Variants in VPS13C observed in about 807,000 individuals in gnomAD.
VPS13C encodes the protein vacuolar protein sorting 13 homolog C.
In VPS13C, 358 loss-of-function variants were observed where a neutral mutation model predicts 456.8. The observed-to-expected ratio is 0.78, with a 90% CI of 0.72 to 0.86. The LOEUF is 0.86. VPS13C is among the 40% of genes least tolerant of loss of function. The pLI, the probability that VPS13C is intolerant of heterozygous loss-of-function variation, is 0.00. For synonymous variants in VPS13C, 1,578 were observed against 1,486.7 expected, an observed-to-expected ratio of 1.06 and a Z score of -1.41; for missense variants, 4,818 against 4,385.4, an observed-to-expected ratio of 1.10 and a Z score of -2.79.
rs1567035278 is a variant in VPS13C at position 61,947,238 on chromosome 15, A to T, written c.4831T>A (p.Phe1611Ile). Residue 1611 changes from phenylalanine (F) to isoleucine (I), a missense_variant, in exon 43 of 85, where the codon TTT becomes ATT. Coordinates refer to ENST00000644861, the MANE Select transcript of VPS13C (RefSeq NM_020821.3). Reference sequence around the variant, plus strand: ...ATGTTACACTTCTGATCACAGACAAAGACATTAAATGCATTTAATTCAGCT... The same window carrying T: ...ATGTTACACTTCTGATCACAGACAATGACATTAAATGCATTTAATTCAGCT... ...ITAELNAFNV[F>I]VCDQKCNIAD... 6.2e-7 allele frequency: 1 copy of T among 1,607,758 alleles called. No individual in the cohort carries two copies.
chr15:62,047,871 T>G (rs1471973201), intron 1 of VPS13C, among the ~76,000 whole-genome samples: 1 of 152,154 alleles, frequency 6.6e-6, no homozygotes, highest in African/African-American at 2.4e-5. Flanking sequence ...CCCCTAAAAA[T>G]CAACCATTTT....
At chr15:61,938,077 T>C (rs558548002) in intron 47 of VPS13C, among the ~76,000 whole-genome samples, 1 of 152,208 alleles carries the variant, frequency 6.6e-6, no homozygotes, top group South Asian at 2.1e-4. Context: ...TAAATGAAAA[T>C]ACAGAGCTAT....
rs181022550 is a variant in VPS13C, at chr15:62,024,311, C to T, written c.449-466G>A. The stretch of plus-strand genomic sequence containing the variant: ...CACAGATGACTTCCTCTGGATGATA[C>T]ACTTCACAAGCAAATTATTTAATGA... On this transcript the variant is annotated intron_variant, in intron 6 of 84. Coordinates refer to ENST00000644861, the MANE Select transcript of VPS13C (RefSeq NM_020821.3). Among the ~76,000 whole-genome samples, 11 of 152,112 alleles carry T rather than the reference C, an allele frequency of 7.2e-5. No individual in the cohort carries two copies. The East Asian group carries it at 1.7e-3, about 24-fold the overall frequency.
intron 30 of VPS13C, among the ~76,000 whole-genome samples, chr15:61,965,655 C>T (rs1426990408): frequency 6.6e-6 from 1 of 151,820 alleles, no homozygotes; most frequent in East Asian, 1.9e-4. Flanking sequence ...TTTAGTTACC[C>T]ATAAGTACAT....
chr15:61,976,246 G>A (rs1257012903), intron 24 of VPS13C, among the ~76,000 whole-genome samples: 1 of 151,814 alleles, frequency 6.6e-6, no homozygotes, highest in Non-Finnish European at 1.5e-5. Context: ...ACCTGATAAA[G>A]GGTATCAGTG....
chr15:61,936,641 C>T lies in VPS13C; in HGVS notation c.5711G>A (p.Arg1904Lys), dbSNP rs1164526906. The T allele has an allele frequency of 1.2e-4, 186 of 1,597,248 alleles. No homozygotes were observed. The highest frequency in any genetic ancestry group is 1.6e-4 in the Non-Finnish European group (185 of 1,174,630). ...ACTTGAAACATCAACTTTTCTCACTCTTACAGTCTCCTGCACAGACTGTGT... is the reference window on the plus strand; with the variant it reads ...ACTTGAAACATCAACTTTTCTCACTTTTACAGTCTCCTGCACAGACTGTGT... ...SPTQSVQETV[R>K]VRKVDVSSVP... The change falls in exon 48 of 85, where the codon AGA (arginine) becomes AAA (lysine). Residue 1904 changes from arginine to lysine, a missense_variant. Physicochemically the swap from Arg to Lys is conservative, Grantham distance 26 (BLOSUM62 2). Transcript: ENST00000644861.
intron 81 of VPS13C, chr15:61,866,852 A>G: frequency 1.0e-6 from 1 of 975,318 alleles, no homozygotes. Context: ...CTGAACAATT[A>G]TATGTTAATA....
chr15:61,876,493 A>C (rs781682880), intron 75 of VPS13C, among the ~76,000 whole-genome samples: 2 of 152,018 alleles, frequency 1.3e-5, no homozygotes, highest in Non-Finnish European at 2.9e-5. Flanking sequence ...TAATAGGAGA[A>C]AGAATATTCC....
chr15:61,990,978 T>C, intron 18 of VPS13C, 22 bp downstream of exon 18: 1 of 1,562,754 alleles, frequency 6.4e-7, no homozygotes, highest in Non-Finnish European at 8.8e-7. Context: ...ACAAAATTCC[T>C]TTAAACCACT....
At chr15:62,004,714 T>A (rs563925560) in intron 15 of VPS13C, among the ~76,000 whole-genome samples, 16 of 151,652 alleles carry the variant, frequency 1.1e-4, no homozygotes, top group African/African-American at 2.9e-4. Flanking sequence ...GATTCTGGTA[T>A]GTTGTGTCTT....
chr15:61,982,402 G>A, intron 21 of VPS13C, 57 bp downstream of exon 21: 1 of 1,348,808 alleles, frequency 7.4e-7, no homozygotes, highest in Non-Finnish European at 1.0e-6. Flanking sequence ...GTTTACATTA[G>A]AGTAGGCAAA....
chr15:61,888,900 C>T (rs1896464709), intron 67 of VPS13C, among the ~76,000 whole-genome samples: 1 of 152,028 alleles, frequency 6.6e-6, no homozygotes, highest in South Asian at 2.1e-4. Flanking sequence ...TCAATATTAG[C>T]TCATCAATAG....
intron 50 of VPS13C, among the ~76,000 whole-genome samples, chr15:61,930,821 C>A (rs1013902285): frequency 3.3e-5 from 5 of 152,164 alleles, no homozygotes; most frequent in East Asian, 1.9e-4. Flanking sequence ...AAATATATCA[C>A]CCCATGTGGA....
intron 66 of VPS13C, among the ~76,000 whole-genome samples, chr15:61,899,690 C>G (rs900572690): frequency 3.3e-5 from 5 of 150,718 alleles, no homozygotes; most frequent in African/African-American, 4.9e-5. Context: ...GGTACAAGGA[C>G]GAACTGGTAC....
At chr15:62,020,272 C>T (rs941502934) in intron 9 of VPS13C, among the ~76,000 whole-genome samples, 4 of 151,756 alleles carry the variant, frequency 2.6e-5, no homozygotes, top group Non-Finnish European at 2.9e-5. Flanking sequence ...TATTTTGATA[C>T]CTGTTACACA....
At chr15:61,986,526 T>C (rs944153671) in intron 18 of VPS13C, among the ~76,000 whole-genome samples, 1 of 152,246 alleles carries the variant, frequency 6.6e-6, no homozygotes, top group East Asian at 1.9e-4. Flanking sequence ...GATCCCACTA[T>C]GTACATTAGA....
intron 67 of VPS13C, among the ~76,000 whole-genome samples, chr15:61,884,516 G>A (rs1005457542): frequency 6.6e-6 from 1 of 151,628 alleles, no homozygotes; most frequent in Non-Finnish European, 1.5e-5. Flanking sequence ...TTCTGCAGAG[G>A]GTCATATATT....
chr15:61,959,717 G>T (rs966673992), intron 35 of VPS13C, 122 bp from the exon 36 acceptor site: 2 of 937,404 alleles, frequency 2.1e-6, no homozygotes, highest in South Asian at 2.5e-5. Flanking sequence ...AGTGTGGCTT[G>T]AGTATTTTCA....
intron 66 of VPS13C, among the ~76,000 whole-genome samples, chr15:61,901,939 A>T (rs1368881119): frequency 1.3e-5 from 2 of 152,156 alleles, no homozygotes; most frequent in Non-Finnish European, 2.9e-5. Context: ...GCCATAAAAA[A>T]TGATGAGTTC....
Sources: gnomAD v4.1 joint callset for allele counts (sites outside exome capture counted in the v4.1 genomes callset) on GRCh38, gnomAD v4.1.1 for gene constraint, MANE v1.5 for transcripts, NCBI Gene and HGNC (gene_info 2026-07-23, HGNC 2026-07-21) for gene names.